MYO18B: variants seen among roughly 807,000 people sequenced by gnomAD.
MYO18B encodes myosin XVIIIB.
MYO18B carries 204 observed loss-of-function variants against 273.0 expected under a neutral mutation model. That is an observed-to-expected ratio of 0.75 (90% CI 0.67 to 0.84). MYO18B has a LOEUF of 0.84. Among genes scored for constraint, MYO18B ranks in the 40% least tolerant of loss-of-function variants. MYO18B has a pLI of 0.00. For synonymous variants in MYO18B, 1,330 were observed against 1,305.7 expected (o/e 1.02, Z -0.40); for missense variants, 3,212 against 3,287.6 (o/e 0.98, Z 0.56).
At chr22:26,056,338 C>T in the MYO18B span, among the ~76,000 whole-genome samples, 1 of 152,122 alleles carries the variant, frequency 6.6e-6, no homozygotes, top group African/African-American at 2.4e-5. Flanking sequence ...TAATGAAAAT[C>T]TTATCCATCA....
At chr22:26,059,941 C>T in the MYO18B span, among the ~76,000 whole-genome samples, 4 of 152,138 alleles carry the variant, frequency 2.6e-5, no homozygotes, top group Non-Finnish European at 5.9e-5. Context: ...ATAATGTGGT[C>T]GATTATTGTG....
At chr22:25,878,364 T>C (rs1184149683) in intron 25 of MYO18B, among the ~76,000 whole-genome samples, 1 of 152,048 alleles carries the variant, frequency 6.6e-6, no homozygotes, top group African/African-American at 2.4e-5. Context: ...AATGATAAAT[T>C]TGACTATATT....
In MYO18B at chr22:25,876,230, T is replaced by C; in HGVS notation, c.4122T>C (p.Ala1374=). 6.2e-7 allele frequency: 1 copy of C among 1,613,540 alleles called. No individual in the cohort carries two copies. The highest frequency in any genetic ancestry group is 8.5e-7 in the Non-Finnish European group (1 of 1,179,726). The change falls in exon 24 of 44, where the codon GCT becomes GCC. Residue 1374 remains alanine, a synonymous_variant. Transcript: ENST00000335473. ...CACAGTGCATCCAGAAGAATGTGGC[T>C]GTGTTCCTCGCAGTCAAGGACTGGC... ...LAAQCIQKNV[A]VFLAVKDWPW... is the part of the protein sequence containing the mutation.
intron 28 of MYO18B, 147 bp downstream of exon 28, chr22:25,895,427 T>C: frequency 2.3e-6 from 2 of 874,538 alleles, no homozygotes; most frequent in South Asian, 1.8e-5. Flanking sequence ...TCCACTATTA[T>C]TACAAATGCT....
At chr22:25,955,065 T>C in intron 38 of MYO18B, 114 bp from the exon 39 acceptor site, 1 of 1,150,474 alleles carries the variant, frequency 8.7e-7, no homozygotes, top group Non-Finnish European at 1.2e-6. Context: ...AGTATTCTTA[T>C]CCTGATTATG....
intron 21 of MYO18B, among the ~76,000 whole-genome samples, chr22:25,866,507 T>C (rs1170611414): frequency 6.6e-6 from 1 of 152,106 alleles, no homozygotes; most frequent in Non-Finnish European, 1.5e-5. Context: ...TGTTTATTCA[T>C]TCAGTCATCA....
chr22:25,762,760 G>T (rs1463861599), intron 2 of MYO18B, among the ~76,000 whole-genome samples: 1 of 152,270 alleles, frequency 6.6e-6, no homozygotes, highest in African/African-American at 2.4e-5. Flanking sequence ...ATCTTACCAT[G>T]TTCCTGGTGC....
At chr22:26,062,524 T>C in the MYO18B span, among the ~76,000 whole-genome samples, 1 of 152,212 alleles carries the variant, frequency 6.6e-6, no homozygotes, top group Non-Finnish European at 1.5e-5. Flanking sequence ...CCTGAGCCCC[T>C]GGACCCAGTC....
chr22:26,025,624 G>T (rs1412531242), intron 42 of MYO18B, among the ~76,000 whole-genome samples: 1 of 152,122 alleles, frequency 6.6e-6, no homozygotes, highest in African/African-American at 2.4e-5. Flanking sequence ...TAACTTTGGT[G>T]AGGGGAGGGA....
intron 39 of MYO18B, among the ~76,000 whole-genome samples, chr22:25,990,336 T>C (rs1201578888): frequency 1.3e-5 from 2 of 152,028 alleles, no homozygotes; most frequent in African/African-American, 4.8e-5. Flanking sequence ...TCTGCGCCTT[T>C]CCTGAGTGAC....
chr22:25,966,272 A>G (rs1233616222), intron 39 of MYO18B, among the ~76,000 whole-genome samples: 1 of 151,742 alleles, frequency 6.6e-6, no homozygotes, highest in Non-Finnish European at 1.5e-5. Flanking sequence ...TTGTTTTTTC[A>G]TTTGCTTTAA....
chr22:25,823,391 G>A, intron 12 of MYO18B, 114 bp from the exon 13 acceptor site: 1 of 1,182,508 alleles, frequency 8.5e-7, no homozygotes, highest in Non-Finnish European at 1.2e-6. Flanking sequence ...TCCCGGCTGA[G>A]GAGGCTGGCC....
At chr22:26,032,815 G>T (rs1936697576), downstream of MYO18B, among the ~76,000 whole-genome samples, 1 of 151,980 alleles carries the variant, frequency 6.6e-6, no homozygotes, top group African/African-American at 2.4e-5. Context: ...CCTTTTAAAG[G>T]TCCCGTCTCC....
chr22:25,920,776 A>T (rs953388994), intron 33 of MYO18B, among the ~76,000 whole-genome samples: 1 of 152,206 alleles, frequency 6.6e-6, no homozygotes, highest in Non-Finnish European at 1.5e-5. Flanking sequence ...GATCAATAAC[A>T]TTAATAACTC....
At chr22:26,022,170 G>A (rs1385818577) in intron 42 of MYO18B, among the ~76,000 whole-genome samples, 7 of 151,498 alleles carry the variant, frequency 4.6e-5, no homozygotes, top group Non-Finnish European at 7.4e-5. Flanking sequence ...CAGGCTCTGG[G>A]AAGCAGGCAC....
At chr22:25,929,055 A>C (rs5752245) in intron 34 of MYO18B, among the ~76,000 whole-genome samples, 53,399 of 151,194 alleles carry the variant, frequency 0.35, 10,192 homozygotes, top group African/African-American at 0.48. Context: ...CCAGCTACTC[A>C]GGAGGCTGAG....
At chr22:25,903,475 G>T (rs1409640658) in intron 30 of MYO18B, among the ~76,000 whole-genome samples, 156 bp from the exon 31 acceptor site, 1 of 152,212 alleles carries the variant, frequency 6.6e-6, no homozygotes, top group Non-Finnish European at 1.5e-5. Context: ...TGTCCCACAG[G>T]GGGCGCTGTG....
chr22:26,045,509 G>T, the MYO18B span, among the ~76,000 whole-genome samples: 1 of 152,180 alleles, frequency 6.6e-6, no homozygotes, highest in African/African-American at 2.4e-5. Context: ...ATTGGACAAA[G>T]TCTCAACCAA....
the MYO18B span, among the ~76,000 whole-genome samples, chr22:26,042,148 G>A: frequency 1.3e-5 from 2 of 152,188 alleles, no homozygotes; most frequent in Non-Finnish European, 2.9e-5. Context: ...TGCGCCCTGG[G>A]TTCACTCCCC....
Sources: allele counts gnomAD v4.1 joint callset (sites outside exome capture counted in the v4.1 genomes callset), GRCh38; gene constraint gnomAD v4.1.1; transcripts MANE v1.5; gene names NCBI Gene and HGNC (gene_info 2026-07-23, HGNC 2026-07-21).